Variants in CCT2 observed in about 807,000 individuals in gnomAD.
CCT2 encodes chaperonin containing TCP1 subunit 2.
CCT2 carries 18 observed loss-of-function variants against 61.8 expected under a neutral mutation model. The ratio of observed to expected loss-of-function variants is 0.29; its 90% CI spans 0.20 to 0.43. The LOEUF (loss-of-function observed/expected upper bound fraction) is 0.43, where lower values mean the gene tolerates loss of function less well. Among genes scored for constraint, CCT2 ranks in the 20% least tolerant of loss-of-function variants. The pLI is 1.00. For synonymous variants in CCT2, 248 were observed against 215.9 expected, an observed-to-expected ratio of 1.15 and a Z score of -1.30; for missense variants, 556 against 656.9, an observed-to-expected ratio of 0.85 and a Z score of 1.68.
At chr12:69,590,500 T>C (rs1333512242) in intron 7 of CCT2, among the ~76,000 whole-genome samples, 1 of 152,166 alleles carries the variant, frequency 6.6e-6, no homozygotes, top group Non-Finnish European at 1.5e-5. Context: ...CATCTTCACA[T>C]TATATTTACT....
Position 69,588,238 on chromosome 12 carries a change from T to C in CCT2, c.422T>C (p.Leu141Pro). 1 of 1,613,578 alleles carries C rather than the reference T, an allele frequency of 6.2e-7. No homozygotes were observed. Among genetic ancestry groups the C allele is most frequent in the Non-Finnish European group, 8.5e-7 (1 of 1,179,446 alleles). ...GCCACGAAGGCTGCAAGAGAGGCGC[T>C]GTTGAGTTCTGCAGTTGATCATGGG... is the stretch of plus-strand genomic sequence containing the variant. ...REATKAAREA[L>P]LSSAVDHGSD... Residue 141 changes from leucine to proline, a missense_variant, in exon 6 of 16, where the codon CTG becomes CCG. Physicochemically the swap from Leu to Pro is moderately conservative, Grantham distance 98. This residue lies in a region of CCT2 where 308 missense variants were observed against 350.6 expected (regional missense o/e 0.88). Coordinates refer to ENST00000299300, the MANE Select transcript of CCT2 (RefSeq NM_006431.3).
At chr12:69,586,071 A>G in intron 1 of CCT2, 199 bp from the exon 2 acceptor site, 2 of 1,350,806 alleles carry the variant, frequency 1.5e-6, no homozygotes, top group South Asian at 1.6e-5. Context: ...GTAAATCCGA[A>G]AAGCCATGTC....
At chr12:69,586,519 T>C (rs1565797365) in intron 2 of CCT2, among the ~76,000 whole-genome samples, 175 bp downstream of exon 2, 1 of 151,986 alleles carries the variant, frequency 6.6e-6, no homozygotes, top group East Asian at 1.9e-4. Context: ...AATACAAAAA[T>C]TAGCCGGGCG....
chr12:69,592,304 T>C, intron 8 of CCT2, 145 bp downstream of exon 8: 2 of 460,592 alleles, frequency 4.3e-6, no homozygotes, highest in Non-Finnish European at 8.0e-6. Flanking sequence ...GGAGAAACCC[T>C]GTCTCTACTA....
intron 10 of CCT2, 125 bp downstream of exon 10, chr12:69,593,738 T>C (rs1881904919): frequency 8.6e-6 from 5 of 579,656 alleles, no homozygotes; most frequent in Non-Finnish European, 1.5e-5. Context: ...ATCTATTCTC[T>C]TGGATACCTT....
At chr12:69,590,256 TG>T (rs1391542213) in intron 7 of CCT2, among the ~76,000 whole-genome samples, 13 of 152,338 alleles carry the variant, frequency 8.5e-5, no homozygotes, top group Admixed American at 7.2e-4. Flanking sequence ...CCAGTCAGCC[TG>T]GAACTTAAGT....
intron 10 of CCT2, 121 bp from the exon 11 acceptor site, chr12:69,597,035 C>A: frequency 1.3e-6 from 1 of 781,196 alleles, no homozygotes. Flanking sequence ...GGAATATAAT[C>A]AGCAATCAAT....
intron 10 of CCT2, among the ~76,000 whole-genome samples, chr12:69,595,616 A>G (rs1881963659): frequency 7.4e-6 from 1 of 135,896 alleles, no homozygotes; most frequent in East Asian, 2.4e-4. Context: ...TGAACCCGGG[A>G]GGTGGAGGTT....
chr12:69,588,247 C>T lies in CCT2; in HGVS notation c.431C>T (p.Ser144Phe), dbSNP rs756045930. 5 of 1,612,588 alleles carry T rather than the reference C, an allele frequency of 3.1e-6. No homozygotes were observed. In the East Asian group the frequency reaches 6.7e-5, roughly 22 times the overall value. ...TKAAREALLS[S>F]AVDHGSDEVK... The stretch of plus-strand genomic sequence containing the variant: ...GCTGCAAGAGAGGCGCTGTTGAGTT[C>T]TGCAGTTGATCATGGGTTTGTATAG... Residue 144 changes from serine (S) to phenylalanine (F), a missense_variant, in exon 6 of 16, where the codon TCT becomes TTT. This residue lies in a region of CCT2 where 308 missense variants were observed against 350.6 expected (regional missense o/e 0.88). Transcript: ENST00000299300.
chr12:69,593,154 T>A, intron 9 of CCT2, 51 bp downstream of exon 9: 1 of 1,486,960 alleles, frequency 6.7e-7, no homozygotes, highest in Non-Finnish European at 9.2e-7. Flanking sequence ...GTTTATGGAA[T>A]ACTTCATATT....
At chr12:69,592,402 G>C in intron 8 of CCT2, 1 of 225,892 alleles carries the variant, frequency 4.4e-6, no homozygotes, top group Non-Finnish European at 8.7e-6. Context: ...AGAATCACTT[G>C]AACCCAGGAG....
At chr12:69,585,994 C>A in intron 1 of CCT2, 1 of 1,332,088 alleles carries the variant, frequency 7.5e-7, no homozygotes, top group Non-Finnish European at 9.6e-7. Flanking sequence ...AGTTCAAGAT[C>A]GTCTTTAGTC....
At chr12:69,591,796 C>T (rs1224329863) in intron 7 of CCT2, among the ~76,000 whole-genome samples, 2 of 152,078 alleles carry the variant, frequency 1.3e-5, no homozygotes, top group African/African-American at 2.4e-5. Context: ...TCGGTAAAGC[C>T]CCTTCCTCCT....
chr12:69,597,561 AAT>A, intron 11 of CCT2, 75 bp from the exon 12 acceptor site: 1 of 1,445,356 alleles, frequency 6.9e-7, no homozygotes, highest in Non-Finnish European at 9.5e-7. Context: ...AGAACCCAGT[AAT>A]ATAACCAACA....
chr12:69,589,205 G>T (rs1316407602), intron 6 of CCT2: 2 of 435,670 alleles, frequency 4.6e-6, no homozygotes. Flanking sequence ...GATTACAGGC[G>T]TGAGCCACTG....
At chr12:69,585,740 C>T in intron 1 of CCT2, 1 of 1,450,214 alleles carries the variant, frequency 6.9e-7, no homozygotes, top group Non-Finnish European at 9.1e-7. Context: ...CCAGCGTCTC[C>T]TTGTGCCTAG....
chr12:69,589,353 T>C, intron 6 of CCT2, 132 bp from the exon 7 acceptor site: 1 of 648,794 alleles, frequency 1.5e-6, no homozygotes. Flanking sequence ...TGATTACTGC[T>C]GAGGTTTAAT....
chr12:69,592,914 C>T (rs1201532593), intron 8 of CCT2, 62 bp from the exon 9 acceptor site: 11 of 1,532,380 alleles, frequency 7.2e-6, no homozygotes, highest in African/African-American at 4.1e-5. Context: ...GGCAACAGAG[C>T]GAGACTCAAT....
chr12:69,589,081 A>G, intron 6 of CCT2: 1 of 211,632 alleles, frequency 4.7e-6, no homozygotes, highest in Non-Finnish European at 9.5e-6. Flanking sequence ...GGCATGTGCC[A>G]TCATAGCCAG....
Sources: gnomAD v4.1 joint callset for allele counts (sites outside exome capture counted in the v4.1 genomes callset) on GRCh38, gnomAD v4.1.1 for gene constraint, gnomAD v4.1.1 regional missense constraint, MANE v1.5 for transcripts, NCBI Gene and HGNC (gene_info 2026-07-23, HGNC 2026-07-21) for gene names.